Variants in ZFP64 observed in about 807,000 individuals in gnomAD.
ZFP64 encodes the protein ZFP64 zinc finger protein, also known as zinc finger protein 64.
Under a neutral mutation model 51.6 loss-of-function variants are expected in ZFP64, and 14 were observed. That is an observed-to-expected ratio of 0.27 (90% CI 0.18 to 0.42). ZFP64 has a LOEUF of 0.42. ZFP64 is among the 10% of genes least tolerant of loss of function. The pLI is 1.00. For synonymous variants in ZFP64, 375 were observed against 361.4 expected (o/e 1.04, Z -0.43); for missense variants, 754 against 906.8 (o/e 0.83, Z 2.16).
intron 7 of ZFP64, among the ~76,000 whole-genome samples, chr20:52,089,243 G>T (rs1029333829): frequency 3.9e-5 from 6 of 152,054 alleles, no homozygotes; most frequent in African/African-American, 1.4e-4. Flanking sequence ...AAATGCTTGG[G>T]GAAAGCCAGA....
chr20:52,135,575 G>T (rs141519573), intron 5 of ZFP64, among the ~76,000 whole-genome samples: 5 of 151,774 alleles, frequency 3.3e-5, no homozygotes, highest in African/African-American at 1.2e-4. Flanking sequence ...CAGCATTGAC[G>T]TCCTGGGCTC....
intron 2 of ZFP64, chr20:52,175,857 C>CCGG: frequency 2.7e-6 from 1 of 376,072 alleles, no homozygotes; most frequent in Non-Finnish European, 3.6e-6. Flanking sequence ...CCCGCACCCC[C>CCGG]GCTGCCGCCC....
downstream of ZFP64, among the ~76,000 whole-genome samples, chr20:52,150,577 A>G (rs1019023120): frequency 1.3e-5 from 2 of 152,256 alleles, no homozygotes; most frequent in African/African-American, 4.8e-5. Context: ...ACTCACTATT[A>G]TCATTGATGA....
At chr20:52,112,896 C>T (rs1466694826) in intron 5 of ZFP64, among the ~76,000 whole-genome samples, 1 of 152,000 alleles carries the variant, frequency 6.6e-6, no homozygotes, top group Non-Finnish European at 1.5e-5. Flanking sequence ...GGATTACAGG[C>T]ATGAGCCACC....
At chr20:52,096,992 A>C in intron 7 of ZFP64, 1 of 547,324 alleles carries the variant, frequency 1.8e-6, no homozygotes, top group Non-Finnish European at 3.6e-6. Context: ...AGCAATAGGT[A>C]AATGAAGGAG....
At chr20:52,088,079 T>C (rs918249070) in intron 8 of ZFP64, among the ~76,000 whole-genome samples, 2 of 152,224 alleles carry the variant, frequency 1.3e-5, no homozygotes, top group Admixed American at 1.3e-4. Context: ...AATCAGTGTA[T>C]ACATTTACTG....
At chr20:52,139,945 GT>G (rs1205363564) in intron 5 of ZFP64, among the ~76,000 whole-genome samples, 2 of 151,346 alleles carry the variant, frequency 1.3e-5, no homozygotes, top group African/African-American at 2.4e-5. Context: ...CTCACTTGGG[GT>G]CTCTGTGTCA....
In ZFP64 at chr20:52,141,963, G is replaced by A. The variant is rs374150174; in HGVS notation, c.763+18160C>T. Among the ~76,000 whole-genome samples the A allele has an allele frequency of 1.6e-4, 25 of 152,234 alleles. No individual in the cohort carries two copies. In the East Asian group the frequency reaches 1.9e-3, roughly 12 times the overall value. ...ACTCAGAAACAGAGAGTCAAACACC[G>A]CATGGTCTCACTTATAAGTGGGAGC... is the stretch of plus-strand genomic sequence containing the variant. On this transcript the variant is annotated intron_variant, in intron 5 of 8. Transcript: ENST00000361387.
intron 2 of ZFP64, among the ~76,000 whole-genome samples, chr20:52,169,499 G>A (rs1161141928): frequency 6.6e-6 from 1 of 152,154 alleles, no homozygotes; most frequent in Non-Finnish European, 1.5e-5. Flanking sequence ...AAGTCAGCTC[G>A]CGGGCTCCTC....
At chr20:52,158,534 C>T (rs1339501064) in intron 5 of ZFP64, among the ~76,000 whole-genome samples, 1 of 152,036 alleles carries the variant, frequency 6.6e-6, no homozygotes, top group African/African-American at 2.4e-5. Flanking sequence ...GGTGAAATCC[C>T]ATCTCTACTA....
At chr20:52,157,571 TCCCTAAC>T (rs1981419323) in intron 5 of ZFP64, among the ~76,000 whole-genome samples, 1 of 152,146 alleles carries the variant, frequency 6.6e-6, no homozygotes, top group Non-Finnish European at 1.5e-5. Flanking sequence ...CAAGAAACAT[TCCCTAAC>T]CCCTGAGTAG....
chr20:52,122,303 G>A (rs943176514), intron 5 of ZFP64, among the ~76,000 whole-genome samples: 15 of 152,022 alleles, frequency 9.9e-5, no homozygotes, highest in South Asian at 2.1e-4. Flanking sequence ...TCAGGAGATC[G>A]AGACCATTCT....
At position 52,155,644 on chromosome 20, in the gene ZFP64, CT is replaced by C. The variant is rs563210926; in HGVS notation, c.764-2217del. On this transcript the variant is annotated intron_variant, in intron 5 of 5. Coordinates refer to ENST00000216923, the MANE Select transcript of ZFP64 (RefSeq NM_018197.3). ...AAGCAAAGGTTTTAAATTCCTTTGT[CT>C]TTTTTTTTTTAATTTAACCATAAAC... Among the ~76,000 whole-genome samples, 203 of 145,964 alleles carry C rather than the reference CT, an allele frequency of 1.4e-3. 1 individual carries two copies. The highest frequency in any genetic ancestry group is 2.3e-3 in the African/African-American group (91 of 40,160).
chr20:52,186,973 G>A lies in ZFP64; in HGVS notation c.145C>T (p.His49Tyr), dbSNP rs1412851081. 6.2e-7 allele frequency: 1 copy of A among 1,614,112 alleles called. No homozygotes were observed. Among genetic ancestry groups the A allele is most frequent in the South Asian group, 1.1e-5 (1 of 91,078 alleles). ...QFNNLDAFVA[H>Y]KQSGCQLTGT... ...GTCAGCTGGCAGCCACTTTGCTTGT[G>A]AGCTACAAAGGCATCCAGGTTGTTA... The change falls in exon 2 of 6, where the codon CAC becomes TAC. Residue 49 changes from histidine (H) to tyrosine (Y), a missense_variant. Around this residue, in one of 3 missense-constraint regions of ZFP64, gnomAD observed 95 missense variants for 97.7 expected, o/e 0.97. Transcript: ENST00000216923.
chr20:52,108,910 A>T (rs1600715203), intron 5 of ZFP64, among the ~76,000 whole-genome samples: 1 of 151,220 alleles, frequency 6.6e-6, no homozygotes, highest in South Asian at 2.1e-4. Flanking sequence ...ACACAAACTT[A>T]CAGGGTCTAC....
chr20:52,138,088 T>G (rs1980071284), intron 5 of ZFP64, among the ~76,000 whole-genome samples: 1 of 150,994 alleles, frequency 6.6e-6, no homozygotes. Context: ...ACATCTGGAG[T>G]CCCAACTACT....
chr20:52,165,709 G>T (rs1173967423), intron 3 of ZFP64, 155 bp downstream of exon 3: 2 of 962,968 alleles, frequency 2.1e-6, no homozygotes, highest in Non-Finnish European at 3.2e-6. Context: ...GAGATAGGTT[G>T]TATGTGCTGA....
rs956875601 is a variant in ZFP64, at chr20:52,110,739, T to A, written c.764-12152A>T. ...CTCCAACCTTAACTGCCCCAGTACA[T>A]GGGACTGGGTTCTCAAAGTCCCCCT... On this transcript the variant is annotated intron_variant, in intron 5 of 8. Transcript: ENST00000361387. 7 of 1,594,824 alleles carry A rather than the reference T, an allele frequency of 4.4e-6. No homozygotes were observed. The African/African-American group carries it at 6.7e-5, about 15-fold the overall frequency.
intron 5 of ZFP64, among the ~76,000 whole-genome samples, chr20:52,109,780 C>CAAAAAAAAAAAAAAA (rs779914417): frequency 4.3e-5 from 2 of 46,122 alleles, no homozygotes; most frequent in African/African-American, 7.5e-5. Context: ...AATTCCACCT[C>CAAAAAAAAAAAAAAA]AAAAAAAAAA....
Sources: gnomAD v4.1 joint callset for allele counts (sites outside exome capture counted in the v4.1 genomes callset) on GRCh38, gnomAD v4.1.1 for gene constraint, gnomAD v4.1.1 regional missense constraint, MANE v1.5 for transcripts, NCBI Gene and HGNC (gene_info 2026-07-23, HGNC 2026-07-21) for gene names.